The following GRM8 variants were observed in gnomAD, a reference collection of about 807,000 sequenced individuals.
GRM8 encodes the protein glutamate metabotropic receptor 8, also known as metabotropic glutamate receptor 8.
GRM8 carries 47 observed loss-of-function variants against 87.2 expected under a neutral mutation model. The ratio of observed to expected loss-of-function variants is 0.54; its 90% CI spans 0.43 to 0.69. The LOEUF (loss-of-function observed/expected upper bound fraction) is 0.69, where lower values mean the gene tolerates loss of function less well. GRM8 is among the 30% of genes least tolerant of loss of function. The pLI is 0.00. For synonymous variants in GRM8, 396 were observed against 404.5 expected (o/e 0.98, Z 0.25); for missense variants, 1,019 against 1,139.2 (o/e 0.89, Z 1.52).
intron 6 of GRM8, among the ~76,000 whole-genome samples, chr7:126,887,877 G>C (rs570746337): frequency 1.3e-5 from 2 of 152,074 alleles, no homozygotes; most frequent in East Asian, 1.9e-4. Flanking sequence ...TCATTAGGCA[G>C]AGAACAAAAA....
intron 8 of GRM8, among the ~76,000 whole-genome samples, chr7:126,548,538 G>A (rs1238425376): frequency 2.0e-5 from 3 of 152,108 alleles, no homozygotes; most frequent in Non-Finnish European, 2.9e-5. Flanking sequence ...AGCATAACAG[G>A]TGACACAGTT....
intron 8 of GRM8, among the ~76,000 whole-genome samples, chr7:126,583,759 A>T (rs957186410): frequency 2.0e-5 from 3 of 152,080 alleles, no homozygotes; most frequent in Non-Finnish European, 2.9e-5. Context: ...AATGAGCAAA[A>T]AAAGTGGTTT....
intron 3 of GRM8, among the ~76,000 whole-genome samples, chr7:127,082,516 C>T (rs1194167423): frequency 1.3e-5 from 2 of 152,082 alleles, no homozygotes; most frequent in African/African-American, 2.4e-5. Flanking sequence ...GGAAATAATT[C>T]GACCAGTCAA....
intron 6 of GRM8, among the ~76,000 whole-genome samples, chr7:126,866,882 G>T (rs368021853): frequency 5.9e-5 from 9 of 151,884 alleles, no homozygotes; most frequent in East Asian, 1.9e-4. Context: ...GAGCTACCGC[G>T]CCCTGCCTTG....
intron 7 of GRM8, among the ~76,000 whole-genome samples, chr7:126,750,023 A>G (rs1816230788): frequency 6.6e-6 from 1 of 152,154 alleles, no homozygotes; most frequent in Non-Finnish European, 1.5e-5. Context: ...ATATATCCTC[A>G]CAAAGAGCTG....
At chr7:127,209,638 G>T (rs1288555917) in intron 2 of GRM8, among the ~76,000 whole-genome samples, 1 of 152,156 alleles carries the variant, frequency 6.6e-6, no homozygotes, top group African/African-American at 2.4e-5. Flanking sequence ...GTCCTTTGGG[G>T]ATTGTAATGC....
At chr7:126,723,194 T>C (rs1370300074) in intron 7 of GRM8, among the ~76,000 whole-genome samples, 1 of 151,724 alleles carries the variant, frequency 6.6e-6, no homozygotes, top group Non-Finnish European at 1.5e-5. Flanking sequence ...TGAAAGCAGA[T>C]CTAACTGCGG....
chr7:126,531,509 A>C (rs763236087), intron 9 of GRM8, among the ~76,000 whole-genome samples: 1 of 152,334 alleles, frequency 6.6e-6, no homozygotes, highest in Admixed American at 6.5e-5. Context: ...CACCTCCCAC[A>C]GTCTCAGCAA....
At chr7:126,642,125 T>C (rs1342392689) in intron 7 of GRM8, among the ~76,000 whole-genome samples, 1 of 152,168 alleles carries the variant, frequency 6.6e-6, no homozygotes, top group African/African-American at 2.4e-5. Context: ...CTCTTCATTA[T>C]TGTTACTATA....
At position 126,445,667 on chromosome 7, in the gene GRM8, A is replaced by G. The variant is rs2150462381; in HGVS notation, c.2677+459T>C. 3.3e-5 allele frequency among the ~76,000 whole-genome samples: 5 copies of G among 152,148 alleles called. 1 individual carries two copies. In the South Asian group the frequency reaches 1.0e-3, roughly 32 times the overall value. On this transcript the variant is annotated intron_variant, in intron 10 of 10. Transcript: ENST00000339582. ...GTGACTTAACTAAACATATTGGCTA[A>G]CTAGAGTTCTCATTTCCCTAAAGGC...
At chr7:126,519,367 T>C (rs1812645373) in intron 9 of GRM8, among the ~76,000 whole-genome samples, 2 of 151,938 alleles carry the variant, frequency 1.3e-5, no homozygotes, top group Non-Finnish European at 2.9e-5. Flanking sequence ...AAATGAAGAG[T>C]GGTATAACAA....
intron 6 of GRM8, among the ~76,000 whole-genome samples, chr7:126,878,890 C>T (rs963181136): frequency 2.7e-5 from 4 of 149,990 alleles, no homozygotes; most frequent in Admixed American, 6.7e-5. Context: ...AGGCCGGGCA[C>T]GGTGGCTCAC....
chr7:126,529,947 C>A (rs909914461), intron 9 of GRM8, among the ~76,000 whole-genome samples: 1 of 152,072 alleles, frequency 6.6e-6, no homozygotes, highest in Non-Finnish European at 1.5e-5. Flanking sequence ...TAGTTGAATT[C>A]AGCAGTAGTT....
rs115363555 is a variant in GRM8, at chr7:127,111,616, T to C, written c.511-4904A>G. Among the ~76,000 whole-genome samples, 507 of 152,362 alleles carry C rather than the reference T, an allele frequency of 3.3e-3. 4 individuals are homozygous for C. Among genetic ancestry groups the C allele is most frequent in the African/African-American group, 0.012 (495 of 41,592 alleles). ...AATGGTGGAGCAAAAAGCCACACCC[T>C]AGTCCAAGCCACTGTGATATCTGGA... On this transcript the variant is annotated intron_variant, in intron 2 of 10. Coordinates refer to ENST00000339582, the MANE Select transcript of GRM8 (RefSeq NM_000845.3).
At chr7:126,924,117 C>T (rs1241060436) in intron 3 of GRM8, among the ~76,000 whole-genome samples, 1 of 152,086 alleles carries the variant, frequency 6.6e-6, no homozygotes, top group African/African-American at 2.4e-5. Flanking sequence ...CCTTGCTCCT[C>T]GTCATTTACA....
intron 3 of GRM8, among the ~76,000 whole-genome samples, chr7:126,977,607 G>A (rs910365606): frequency 2.0e-5 from 3 of 152,188 alleles, no homozygotes; most frequent in Admixed American, 6.5e-5. Flanking sequence ...ACTTAATCTT[G>A]TAGATAAAAT....
At chr7:127,029,906 A>G (rs1289229388) in intron 3 of GRM8, among the ~76,000 whole-genome samples, 1 of 152,052 alleles carries the variant, frequency 6.6e-6, no homozygotes, top group Admixed American at 6.6e-5. Context: ...CAGAGTTCTT[A>G]TATGTCCTCT....
At chr7:126,700,528 T>G (rs1585578482) in intron 7 of GRM8, among the ~76,000 whole-genome samples, 1 of 152,308 alleles carries the variant, frequency 6.6e-6, no homozygotes, top group East Asian at 1.9e-4. Flanking sequence ...CTCACTTGAT[T>G]CTCATATTCT....
At chr7:127,230,969 C>T (rs544193969) in intron 2 of GRM8, among the ~76,000 whole-genome samples, 1 of 152,272 alleles carries the variant, frequency 6.6e-6, no homozygotes, top group Admixed American at 6.5e-5. Context: ...ACACTGTAGC[C>T]CTTTTTACAC....
Sources: allele counts gnomAD v4.1 joint callset (sites outside exome capture counted in the v4.1 genomes callset), GRCh38; gene constraint gnomAD v4.1.1; transcripts MANE v1.5; gene names NCBI Gene and HGNC (gene_info 2026-07-23, HGNC 2026-07-21).